TAF4B: variants seen among roughly 807,000 people sequenced by gnomAD.
The protein encoded by TAF4B is TATA-box binding protein associated factor 4b, also known as transcription initiation factor TFIID subunit 4B.
In TAF4B, 38 loss-of-function variants were observed where a neutral mutation model predicts 86.4. That is an observed-to-expected ratio of 0.44 (90% CI 0.34 to 0.58). The LOEUF is 0.58. Among genes scored for constraint, TAF4B ranks in the 20% least tolerant of loss-of-function variants. TAF4B has a pLI of 0.02. For synonymous variants in TAF4B, 388 were observed against 391.2 expected (o/e 0.99, Z 0.10); for missense variants, 988 against 1,027.6 (o/e 0.96, Z 0.53).
chr18:26,244,711 C>A (rs370985525), intron 1 of TAF4B, among the ~76,000 whole-genome samples: 1 of 152,038 alleles, frequency 6.6e-6, no homozygotes, highest in Non-Finnish European at 1.5e-5. Context: ...AACCTCCCCC[C>A]GAAATTTATA....
chr18:26,237,490 T>A (rs1255122590), intron 1 of TAF4B, among the ~76,000 whole-genome samples: 2 of 152,016 alleles, frequency 1.3e-5, no homozygotes, highest in Non-Finnish European at 1.5e-5. Context: ...AGCCTGGGGT[T>A]TTTTTTGTGG....
At chr18:26,289,987 A>G (rs190687369) in intron 7 of TAF4B, among the ~76,000 whole-genome samples, 1 of 152,338 alleles carries the variant, frequency 6.6e-6, no homozygotes, top group Non-Finnish European at 1.5e-5. Context: ...ACCCATCAAA[A>G]ATAGTATGAA....
chr18:26,293,937 A>T (rs867886852), intron 9 of TAF4B, among the ~76,000 whole-genome samples: 1 of 152,034 alleles, frequency 6.6e-6, no homozygotes, highest in Non-Finnish European at 1.5e-5. Flanking sequence ...TTTACTCAAC[A>T]TGTTTTTTAG....
At chr18:26,244,510 C>T (rs2055892449) in intron 1 of TAF4B, among the ~76,000 whole-genome samples, 1 of 152,166 alleles carries the variant, frequency 6.6e-6, no homozygotes, top group Admixed American at 6.5e-5. Context: ...AATTCCCTGA[C>T]CCCCTTGTGC....
intron 1 of TAF4B, chr18:26,256,233 G>C (rs1375402186): frequency 6.3e-7 from 1 of 1,581,944 alleles, no homozygotes; most frequent in African/African-American, 1.3e-5. Context: ...ATGCAATCCA[G>C]AACAGCTGTG....
At chr18:26,242,675 AGC>A in intron 1 of TAF4B, among the ~76,000 whole-genome samples, 2 of 152,170 alleles carry the variant, frequency 1.3e-5, no homozygotes, top group African/African-American at 4.8e-5. Context: ...GTTTCTTCCT[AGC>A]ATCGATGGTC....
intron 1 of TAF4B, among the ~76,000 whole-genome samples, chr18:26,249,396 G>T (rs913672080): frequency 2.0e-5 from 3 of 151,738 alleles, no homozygotes; most frequent in African/African-American, 7.3e-5. Context: ...CTTGAGAATC[G>T]CTTGAACCCA....
chr18:26,288,297 G>A (rs1304824113), intron 7 of TAF4B, among the ~76,000 whole-genome samples: 1 of 152,160 alleles, frequency 6.6e-6, no homozygotes, highest in Non-Finnish European at 1.5e-5. Context: ...TAAAAAGGTA[G>A]GGAGAAAACT....
intron 9 of TAF4B, among the ~76,000 whole-genome samples, chr18:26,309,245 A>ATTTTTT (rs59457633): frequency 1.8e-4 from 15 of 84,588 alleles, no homozygotes; most frequent in African/African-American, 5.0e-4. Flanking sequence ...ACCTGACAGT[A>ATTTTTT]TTTTTTTTTT....
intron 14 of TAF4B, among the ~76,000 whole-genome samples, chr18:26,384,449 C>T (rs972407373): frequency 2.6e-5 from 4 of 152,148 alleles, no homozygotes; most frequent in African/African-American, 7.2e-5. Context: ...ACTGTCCACC[C>T]GTCACATGTC....
intron 8 of TAF4B, among the ~76,000 whole-genome samples, chr18:26,292,937 A>G (rs1233983983): frequency 1.6e-5 from 2 of 127,690 alleles, no homozygotes; most frequent in African/African-American, 4.9e-5. Flanking sequence ...ACAACCTATT[A>G]GTAAATAAGG....
chr18:26,280,935 G>A (rs1186751225), intron 5 of TAF4B, among the ~76,000 whole-genome samples: 1 of 152,134 alleles, frequency 6.6e-6, no homozygotes, highest in Non-Finnish European at 1.5e-5. Flanking sequence ...TAAATAAAAA[G>A]TGGTACATAT....
chr18:26,246,539 G>GTTTTT (rs112614474), intron 1 of TAF4B, among the ~76,000 whole-genome samples: 1 of 150,770 alleles, frequency 6.6e-6, no homozygotes, highest in Non-Finnish European at 1.5e-5. Context: ...TTGTTTTTGT[G>GTTTTT]GTTTTTTTTT....
intron 6 of TAF4B, among the ~76,000 whole-genome samples, chr18:26,285,222 G>GTTTTTGTTTTTTTGTTTTTTTTTTTTT: frequency 2.2e-5 from 1 of 45,660 alleles, no homozygotes; most frequent in Non-Finnish European, 4.5e-5. Context: ...TTTTTTTTTT[G>GTTTTTGTTTTTTTGTTTTTTTTTTTTT]TTTTTTTTTT....
intron 14 of TAF4B, among the ~76,000 whole-genome samples, chr18:26,374,376 A>G (rs772285000): frequency 6.6e-6 from 1 of 152,142 alleles, no homozygotes; most frequent in Non-Finnish European, 1.5e-5. Context: ...TTAGAGTACT[A>G]TTACTCTCCT....
chr18:26,366,207 A>G (rs1298468679), intron 14 of TAF4B: 2 of 152,244 alleles, frequency 1.3e-5, no homozygotes, highest in East Asian at 1.9e-4. Context: ...GATTTGATGA[A>G]TAACTTCCTG....
chr18:26,372,949 A>G (rs2057416574), intron 14 of TAF4B, among the ~76,000 whole-genome samples: 2 of 132,094 alleles, frequency 1.5e-5, no homozygotes, highest in Admixed American at 8.0e-5. Flanking sequence ...CAAAAGAGCT[A>G]GACTCTGTCT....
At chr18:26,285,101 G>T (rs1313930042) in intron 6 of TAF4B, among the ~76,000 whole-genome samples, 2 of 151,292 alleles carry the variant, frequency 1.3e-5, no homozygotes, top group Admixed American at 1.3e-4. Flanking sequence ...TGCGGTAGCT[G>T]GGACTACAGG....
rs1361616311 is a variant in TAF4B at position 26,292,301 on chromosome 18, C to T, written c.1646C>T (p.Ser549Phe). Residue 549 changes from serine to phenylalanine, a missense_variant, in exon 8 of 15, where the codon TCC (serine) becomes TTC (phenylalanine). By Grantham distance (155) the Ser-to-Phe change is radical. This residue lies in a region of TAF4B where 747 missense variants were observed against 737.9 expected (regional missense o/e 1.01). Transcript: ENST00000269142. ...NEKQVTTISH[S>F]STLTIQKCGQ... is the part of the protein sequence containing the mutation. ...AAACAAGTGACCACAATTTCACATT[C>T]CTCAACATTGACCATTCAGAAATGT... 2.5e-6 allele frequency: 4 copies of T among 1,614,116 alleles called. No homozygotes were observed. The highest frequency in any genetic ancestry group is 1.6e-4 in the Middle Eastern group (1 of 6,062).
Sources: gnomAD v4.1 joint callset for allele counts (sites outside exome capture counted in the v4.1 genomes callset) on GRCh38, gnomAD v4.1.1 for gene constraint, gnomAD v4.1.1 regional missense constraint, MANE v1.5 for transcripts, NCBI Gene and HGNC (gene_info 2026-07-23, HGNC 2026-07-21) for gene names.